SIPA1L3: variants seen among roughly 807,000 people sequenced by gnomAD.
SIPA1L3 encodes the protein signal induced proliferation associated 1 like 3.
A neutral mutation model predicts 150.1 loss-of-function variants in SIPA1L3; 59 were observed. The observed-to-expected ratio is 0.39, with a 90% CI of 0.32 to 0.49. The LOEUF is 0.49. Among genes scored for constraint, SIPA1L3 ranks in the 20% least tolerant of loss-of-function variants. The pLI is 0.86. For missense variants in SIPA1L3, 2,211 were observed against 2,489.5 expected, an observed-to-expected ratio of 0.89 and a Z score of 2.38; for synonymous variants, 1,070 against 1,077.6, an observed-to-expected ratio of 0.99 and a Z score of 0.14.
intron 9 of SIPA1L3, among the ~76,000 whole-genome samples, chr19:38,123,444 G>C (rs1012662019): frequency 2.0e-5 from 3 of 148,678 alleles, no homozygotes; most frequent in African/African-American, 7.5e-5. Context: ...CTGGGTACTT[G>C]AGATTAGGGA....
At chr19:38,192,624 C>T (rs1568602990) in intron 17 of SIPA1L3, among the ~76,000 whole-genome samples, 1 of 152,176 alleles carries the variant, frequency 6.6e-6, no homozygotes, top group Non-Finnish European at 1.5e-5. Flanking sequence ...ACAGCCACAT[C>T]CACCCAAACC....
chr19:38,006,533 T>C (rs1461038669), intron 1 of SIPA1L3, among the ~76,000 whole-genome samples: 2 of 152,120 alleles, frequency 1.3e-5, no homozygotes, highest in Non-Finnish European at 2.9e-5. Context: ...AGGAAATGCG[T>C]CTCAGACACA....
chr19:38,073,602 C>T (rs916633183), intron 2 of SIPA1L3, among the ~76,000 whole-genome samples: 2 of 152,178 alleles, frequency 1.3e-5, no homozygotes, highest in East Asian at 1.9e-4. Flanking sequence ...GCAGAAGCCA[C>T]GCTTGGCAGT....
chr19:37,946,302 T>G (rs534430458), intron 1 of SIPA1L3, among the ~76,000 whole-genome samples: 92 of 151,950 alleles, frequency 6.1e-4, no homozygotes, highest in Middle Eastern at 3.4e-3. Flanking sequence ...ACACTTTTTT[T>G]TGTGTGTGTG....
At chr19:37,966,108 G>A (rs536850215) in intron 1 of SIPA1L3, among the ~76,000 whole-genome samples, 5 of 152,264 alleles carry the variant, frequency 3.3e-5, no homozygotes, top group Admixed American at 1.3e-4. Flanking sequence ...GTGATCCACC[G>A]CTGTTTTTTT....
chr19:37,950,401 G>A (rs966902934), intron 1 of SIPA1L3, among the ~76,000 whole-genome samples: 5 of 152,168 alleles, frequency 3.3e-5, no homozygotes, highest in South Asian at 2.1e-4. Flanking sequence ...AATAAAGAGC[G>A]TAGGATTGAT....
chr19:38,081,443 G>T lies in SIPA1L3; in HGVS notation c.-123G>T. 1.1e-6 allele frequency: 1 copy of T among 917,542 alleles called. No homozygotes were observed. Among genetic ancestry groups the T allele is most frequent in the Non-Finnish European group, 1.6e-6 (1 of 618,270 alleles). 56.8% of individuals were successfully genotyped at this position (917,542 alleles called of 1,614,324 possible). A position where few individuals can be genotyped will look rare whatever the true frequency, so the allele number is the denominator to read the frequency against. ...CACAGGCTCACAACCTTCCTGTCAG[G>T]TTTCAGGGCCCAGCATCCTTCATCC... On this transcript the variant is annotated 5_prime_UTR_variant, in exon 3 of 22. Transcript: ENST00000222345.
chr19:38,053,955 C>T (rs1969261904), intron 2 of SIPA1L3, among the ~76,000 whole-genome samples: 1 of 151,722 alleles, frequency 6.6e-6, no homozygotes, highest in Non-Finnish European at 1.5e-5. Context: ...ACTTTTGCAC[C>T]AACCAAATAC....
chr19:37,966,183 A>G (rs1643470), intron 1 of SIPA1L3, among the ~76,000 whole-genome samples: 125,178 of 152,214 alleles, frequency 0.82, 52,085 homozygotes, highest in African/African-American at 0.94. Context: ...TGCAGCCTTC[A>G]TCCAGAAACA....
At chr19:38,013,691 T>C (rs1968163220) in intron 1 of SIPA1L3, among the ~76,000 whole-genome samples, 1 of 152,264 alleles carries the variant, frequency 6.6e-6, no homozygotes, top group Non-Finnish European at 1.5e-5. Context: ...GAATCTACCA[T>C]GCAGAAGAAA....
Position 37,940,301 on chromosome 19 carries a change from A to AC in SIPA1L3, c.-379+32943_-379+32944insC, listed in dbSNP as rs569559864. ...ACCCTGCCTAAAAACAAACAAACAA[A>AC]AAAAAAAACAAAAAAAAAGCTTTAC... On this transcript the variant is annotated intron_variant, in intron 1 of 21. Coordinates refer to ENST00000222345, the MANE Select transcript of SIPA1L3 (RefSeq NM_015073.3). Among the ~76,000 whole-genome samples the AC allele has an allele frequency of 2.3e-3, 352 of 151,782 alleles. 3 individuals are homozygous for AC. Among genetic ancestry groups the AC allele is most frequent in the African/African-American group, 8.1e-3 (335 of 41,374 alleles).
chr19:38,191,068 T>C (rs1972794324), intron 16 of SIPA1L3, among the ~76,000 whole-genome samples: 1 of 152,136 alleles, frequency 6.6e-6, no homozygotes, highest in Non-Finnish European at 1.5e-5. Context: ...ATCCATGAGA[T>C]GGGATACCAA....
chr19:38,144,418 A>G (rs1971662531), intron 12 of SIPA1L3, among the ~76,000 whole-genome samples: 1 of 152,234 alleles, frequency 6.6e-6, no homozygotes. Flanking sequence ...CCTTAAGACC[A>G]GGGATCAGGC....
intron 9 of SIPA1L3, among the ~76,000 whole-genome samples, chr19:38,129,189 A>G (rs1206870122): frequency 2.0e-5 from 3 of 152,082 alleles, no homozygotes; most frequent in Non-Finnish European, 4.4e-5. Context: ...AGGTCCTCAG[A>G]TCTTATGGTA....
intron 20 of SIPA1L3, 149 bp downstream of exon 20, chr19:38,202,146 A>C: frequency 1.4e-6 from 1 of 714,844 alleles, no homozygotes; most frequent in East Asian, 2.8e-5. Context: ...CTCCTAACAG[A>C]CTTGGAAGTC....
chr19:38,037,981 T>C (rs902746341), intron 2 of SIPA1L3, among the ~76,000 whole-genome samples: 2 of 152,158 alleles, frequency 1.3e-5, no homozygotes, highest in Non-Finnish European at 2.9e-5. Context: ...CAGGTAGGGA[T>C]GCCCTGGGCA....
chr19:38,104,481 G>A (rs917795582), intron 6 of SIPA1L3, among the ~76,000 whole-genome samples: 1 of 152,322 alleles, frequency 6.6e-6, no homozygotes, highest in East Asian at 1.9e-4. Flanking sequence ...GCCAGCGTGG[G>A]TGTCCCCCTA....
At chr19:38,165,011 A>T in intron 15 of SIPA1L3, 105 bp downstream of exon 15, 1 of 1,049,690 alleles carries the variant, frequency 9.5e-7, no homozygotes, top group Non-Finnish European at 1.3e-6. Context: ...ACACTCACGG[A>T]TGAATGCGCC....
intron 9 of SIPA1L3, among the ~76,000 whole-genome samples, chr19:38,122,251 T>G (rs2145901069): frequency 6.6e-6 from 1 of 152,218 alleles, no homozygotes; most frequent in South Asian, 2.1e-4. Context: ...ACTCCTGTGT[T>G]CCTCCCCACC....
Sources: gnomAD v4.1 joint callset for allele counts (sites outside exome capture counted in the v4.1 genomes callset) on GRCh38, gnomAD v4.1.1 for gene constraint, MANE v1.5 for transcripts, NCBI Gene and HGNC (gene_info 2026-07-23, HGNC 2026-07-21) for gene names.